The following RGMA variants were observed in gnomAD, a reference collection of about 807,000 sequenced individuals.
RGMA encodes the protein repulsive guidance molecule A.
RGMA carries 10 observed loss-of-function variants against 23.2 expected under a neutral mutation model. That is an observed-to-expected ratio of 0.43 (90% CI 0.27 to 0.73). The LOEUF (loss-of-function observed/expected upper bound fraction) is 0.73. RGMA is among the 30% of genes least tolerant of loss of function. The probability of loss-of-function intolerance (pLI) is 0.20; values close to 1 mark genes in which losing one functional copy is unlikely to be tolerated. For missense variants in RGMA, 547 were observed against 630.5 expected (o/e 0.87, Z 1.42); for synonymous variants, 308 against 279.3 (o/e 1.10, Z -1.03).
At chr15:93,088,236 CG>C in intron 1 of RGMA, 4 of 915,428 alleles carry the variant, frequency 4.4e-6, no homozygotes, top group Non-Finnish European at 5.2e-6. Flanking sequence ...CCCCCACACC[CG>C]CCCTCCCATT....
At chr15:93,071,539 G>A (rs763988278) in intron 2 of RGMA, among the ~76,000 whole-genome samples, 1 of 152,234 alleles carries the variant, frequency 6.6e-6, no homozygotes, top group Non-Finnish European at 1.5e-5. Context: ...CGACCCTTCT[G>A]GGGTGCGCAG....
chr15:93,081,943 C>T (rs1222346008), intron 1 of RGMA, among the ~76,000 whole-genome samples: 1 of 152,240 alleles, frequency 6.6e-6, no homozygotes, highest in Non-Finnish European at 1.5e-5. Context: ...AATTTCTTCA[C>T]TTTTATATTA....
In RGMA at chr15:93,068,184, GA is replaced by G. The variant is rs542984771; in HGVS notation, c.130+4731del. On this transcript the variant is annotated intron_variant, in intron 2 of 3. Transcript: ENST00000329082. ...ACTAGGAAAGTCCTGGGCAAACTGG[GA>G]TAAGTTGGCTACCTTCAAAGAAATA... 7.9e-3 allele frequency among the ~76,000 whole-genome samples: 1,199 copies of G among 152,276 alleles called. 4 individuals are homozygous for G. Among genetic ancestry groups the G allele is most frequent in the Middle Eastern group, 0.02 (6 of 294 alleles).
intron 1 of RGMA, among the ~76,000 whole-genome samples, chr15:93,081,065 T>G (rs1052969872): frequency 2.0e-5 from 3 of 152,198 alleles, no homozygotes; most frequent in Non-Finnish European, 4.4e-5. Context: ...TTCAAGACAC[T>G]GCCACTGAAT....
Position 93,052,476 on chromosome 15 carries a change from G to A in RGMA, c.162C>T (p.Asn54=). The part of the protein sequence containing the change: ...ATSPCKILKC[N]SEFWSATSGS... ...CCGACGTGGCGCTCCAGAACTCAGA[G>A]TTGCACTTGAGGATCTTGCACGGGG... The change falls in exon 3 of 4, where the codon AAC becomes AAT. Residue 54 remains asparagine (N), a synonymous_variant. Coordinates refer to ENST00000329082, the MANE Select transcript of RGMA (RefSeq NM_020211.3). The A allele has an allele frequency of 1.3e-6, 2 of 1,584,108 alleles. No individual in the cohort carries two copies. The highest frequency in any genetic ancestry group is 8.6e-7 in the Non-Finnish European group (1 of 1,168,548).
At chr15:93,063,750 C>T (rs115552428) in intron 2 of RGMA, among the ~76,000 whole-genome samples, 104 of 152,328 alleles carry the variant, frequency 6.8e-4, no homozygotes, top group African/African-American at 2.4e-3. Context: ...CCCTTTGAAT[C>T]CACTGGAAAT....
chr15:93,072,517 G>A (rs1567193288), intron 2 of RGMA, among the ~76,000 whole-genome samples: 1 of 152,098 alleles, frequency 6.6e-6, no homozygotes, highest in Non-Finnish European at 1.5e-5. Context: ...TGGGCACCCG[G>A]CAGGTTTGCA....
chr15:93,062,997 T>G (rs1895019839), intron 2 of RGMA: 2 of 152,306 alleles, frequency 1.3e-5, no homozygotes, highest in East Asian at 3.8e-4. Flanking sequence ...TAAGGATTTC[T>G]GCTTTTTTCC....
chr15:93,087,149 A>G (rs1245357369), intron 1 of RGMA, among the ~76,000 whole-genome samples: 1 of 152,226 alleles, frequency 6.6e-6, no homozygotes, highest in Non-Finnish European at 1.5e-5. Flanking sequence ...CACTACCAGC[A>G]CAGCCCAGAG....
chr15:93,072,646 G>A (rs535635207), intron 2 of RGMA, among the ~76,000 whole-genome samples: 5 of 152,308 alleles, frequency 3.3e-5, no homozygotes, highest in African/African-American at 1.2e-4. Flanking sequence ...CTCGGAAAAA[G>A]GGAAGGGAGT....
chr15:93,053,630 G>A (rs376161251), intron 2 of RGMA, among the ~76,000 whole-genome samples: 57 of 152,318 alleles, frequency 3.7e-4, no homozygotes, highest in African/African-American at 1.3e-3. Flanking sequence ...GCAGGCTAAC[G>A]CGAGCACGAG....
At chr15:93,078,564 T>G (rs1385603948) in intron 1 of RGMA, among the ~76,000 whole-genome samples, 1 of 152,232 alleles carries the variant, frequency 6.6e-6, no homozygotes, top group African/African-American at 2.4e-5. Flanking sequence ...ACTTGTTCTC[T>G]CTCTCCATAA....
chr15:93,065,041 G>C (rs1895096582), intron 2 of RGMA, among the ~76,000 whole-genome samples: 1 of 151,516 alleles, frequency 6.6e-6, no homozygotes, highest in Non-Finnish European at 1.5e-5. Context: ...GCAGCAGTGG[G>C]ATCTCGGCTC....
In RGMA at chr15:93,072,113, C is replaced by A. The variant is rs549971880; in HGVS notation, c.130+803G>T. Among the ~76,000 whole-genome samples, 5 of 152,172 alleles carry A rather than the reference C, an allele frequency of 3.3e-5. No homozygotes were observed. In the South Asian group the frequency reaches 6.2e-4, roughly 19 times the overall value. On this transcript the variant is annotated intron_variant, in intron 2 of 3. Coordinates refer to ENST00000329082, the MANE Select transcript of RGMA (RefSeq NM_020211.3). ...TAAGTTGCATGCCTCCCCCCTCCCC[C>A]CGAAAGGAAAAAAAGTAAAGAAACT...
intron 1 of RGMA, chr15:93,088,222 G>C: frequency 1.2e-6 from 1 of 867,172 alleles, no homozygotes; most frequent in Admixed American, 6.2e-5. Context: ...TTGCACCCGA[G>C]CGTCCCCCAC....
rs550899174 is a variant in RGMA, at chr15:93,041,467, G to T, written c.*3531C>A. The T allele has an allele frequency of 6.6e-6, 1 of 152,188 alleles. No individual in the cohort carries two copies. Among genetic ancestry groups the T allele is most frequent in the Non-Finnish European group, 1.5e-5 (1 of 68,042 alleles). 9.4% of individuals were successfully genotyped at this position (152,188 alleles called of 1,614,324 possible). A position where few individuals can be genotyped will look rare whatever the true frequency, so the allele number is the denominator to read the frequency against. ...TATTCACGACGGCATTTCCATGCTC[G>T]TGAGGGCAACCAGTAGTAAGTAGCA... On this transcript the variant is annotated 3_prime_UTR_variant, in exon 4 of 4. Transcript: ENST00000329082.
At chr15:93,084,323 T>C (rs1326109562) in intron 1 of RGMA, among the ~76,000 whole-genome samples, 1 of 152,240 alleles carries the variant, frequency 6.6e-6, no homozygotes, top group Non-Finnish European at 1.5e-5. Context: ...TGGATGAGCA[T>C]TTGAACGGGC....
At chr15:93,073,311 C>A (rs143638091) in intron 1 of RGMA, among the ~76,000 whole-genome samples, 3,046 of 151,870 alleles carry the variant, frequency 0.02, 88 homozygotes, top group African/African-American at 0.068. Flanking sequence ...CGGAGGCGGC[C>A]GGGCGGGGAC....
At chr15:93,053,930 A>G (rs2054969891) in intron 2 of RGMA, among the ~76,000 whole-genome samples, 1 of 152,200 alleles carries the variant, frequency 6.6e-6, no homozygotes, top group Admixed American at 6.5e-5. Context: ...TTAAATGTGC[A>G]TTAAGAAAAA....
Sources: gnomAD v4.1 joint callset for allele counts (sites outside exome capture counted in the v4.1 genomes callset) on GRCh38, gnomAD v4.1.1 for gene constraint, MANE v1.5 for transcripts, NCBI Gene and HGNC (gene_info 2026-07-23, HGNC 2026-07-21) for gene names.